Variants in MAGI1 observed in about 807,000 individuals in gnomAD.
MAGI1 encodes membrane associated guanylate kinase, WW and PDZ domain containing 1.
In MAGI1, 58 loss-of-function variants were observed where a neutral mutation model predicts 139.9. The ratio of observed to expected loss-of-function variants is 0.41; its 90% CI spans 0.34 to 0.52. MAGI1 has a LOEUF of 0.52. Ranked by LOEUF, MAGI1 falls within the 20% of genes least tolerant of loss-of-function variation. The pLI, the probability that MAGI1 is intolerant of heterozygous loss-of-function variation, is 0.12. For missense variants in MAGI1, 1,874 were observed against 1,901.6 expected, an observed-to-expected ratio of 0.99 and a Z score of 0.27; for synonymous variants, 812 against 737.9, an observed-to-expected ratio of 1.10 and a Z score of -1.63.
At chr3:65,939,022 C>T (rs1433093469) in intron 1 of MAGI1, among the ~76,000 whole-genome samples, 1 of 152,062 alleles carries the variant, frequency 6.6e-6, no homozygotes, top group Non-Finnish European at 1.5e-5. Flanking sequence ...AACACTAGCA[C>T]TAGTAATTCG....
rs1419762698 is a variant in MAGI1 at position 65,353,736 on chromosome 3, A to G, written c.*2642T>C. On this transcript the variant is annotated 3_prime_UTR_variant, in exon 23 of 23. Transcript: ENST00000402939. ...CTCATCCATTATCTCTCATCAAGAC[A>G]TTTACATTAAGTGGGGGAGGGGGGC... is the stretch of plus-strand genomic sequence containing the variant. 6.6e-6 allele frequency: 1 copy of G among 152,130 alleles called. No individual in the cohort carries two copies. The highest frequency in any genetic ancestry group is 2.4e-5 in the African/African-American group (1 of 41,426). 9.4% of individuals were successfully genotyped at this position (152,130 alleles called of 1,614,324 possible).
chr3:65,810,071 TG>T (rs2041127937), intron 1 of MAGI1, among the ~76,000 whole-genome samples: 1 of 152,202 alleles, frequency 6.6e-6, no homozygotes, highest in Non-Finnish European at 1.5e-5. Flanking sequence ...CAAAGTATCA[TG>T]GTTTCAAGTA....
At chr3:65,648,403 G>A (rs923142008) in intron 1 of MAGI1, among the ~76,000 whole-genome samples, 28 of 152,074 alleles carry the variant, frequency 1.8e-4, no homozygotes, top group African/African-American at 6.8e-4. Context: ...TCCTGCCTCA[G>A]CCTCCCAAAG....
chr3:65,429,229 C>G (rs974266931), intron 12 of MAGI1, among the ~76,000 whole-genome samples: 1 of 152,192 alleles, frequency 6.6e-6, no homozygotes, highest in African/African-American at 2.4e-5. Flanking sequence ...TCTCAAGCAG[C>G]CAGGACTACA....
intron 1 of MAGI1, among the ~76,000 whole-genome samples, chr3:65,791,897 T>A (rs1417546621): frequency 6.6e-6 from 1 of 152,188 alleles, no homozygotes; most frequent in Non-Finnish European, 1.5e-5. Flanking sequence ...TTCAGGTGCC[T>A]TTTCAAAACA....
At chr3:65,705,676 C>T (rs1329259581) in intron 1 of MAGI1, among the ~76,000 whole-genome samples, 1 of 152,142 alleles carries the variant, frequency 6.6e-6, no homozygotes, top group Non-Finnish European at 1.5e-5. Context: ...TCACATACCC[C>T]TAGATAATTA....
chr3:65,875,509 A>G (rs1035792375), intron 1 of MAGI1, among the ~76,000 whole-genome samples: 4 of 152,258 alleles, frequency 2.6e-5, no homozygotes, highest in Admixed American at 2.6e-4. Flanking sequence ...CTGAGGTTGC[A>G]TGAGGAAATG....
chr3:65,414,024 T>C (rs1028733300), intron 12 of MAGI1, among the ~76,000 whole-genome samples: 2 of 152,194 alleles, frequency 1.3e-5, no homozygotes, highest in Admixed American at 6.5e-5. Context: ...GGAAAATAAA[T>C]GCCAAGATCC....
chr3:65,864,065 G>A (rs2108454298), intron 1 of MAGI1, among the ~76,000 whole-genome samples: 1 of 151,760 alleles, frequency 6.6e-6, no homozygotes, highest in African/African-American at 2.4e-5. Context: ...GTGAGTGAAT[G>A]AATAAACATT....
intron 2 of MAGI1, among the ~76,000 whole-genome samples, chr3:65,575,721 A>C (rs1420094658): frequency 1.3e-5 from 2 of 152,212 alleles, no homozygotes; most frequent in African/African-American, 4.8e-5. Flanking sequence ...ATGCTACAAC[A>C]TGAATGGCTC....
chr3:65,664,968 C>T (rs2086420609), intron 1 of MAGI1, among the ~76,000 whole-genome samples: 1 of 152,108 alleles, frequency 6.6e-6, no homozygotes, highest in South Asian at 2.1e-4. Context: ...CAACAACTGC[C>T]CTAAACCATT....
At chr3:65,567,041 G>A (rs1360551888) in intron 2 of MAGI1, among the ~76,000 whole-genome samples, 1 of 142,686 alleles carries the variant, frequency 7.0e-6, no homozygotes, top group Non-Finnish European at 1.5e-5. Context: ...CTTGTAAAAA[G>A]TATGAAAAGG....
chr3:65,986,503 T>G (rs2065886127), intron 1 of MAGI1, among the ~76,000 whole-genome samples: 1 of 152,188 alleles, frequency 6.6e-6, no homozygotes, highest in South Asian at 2.1e-4. Context: ...AATTAGCTCT[T>G]GCCTTGATGT....
chr3:65,546,460 T>A (rs1296927364), intron 2 of MAGI1, among the ~76,000 whole-genome samples: 2 of 152,228 alleles, frequency 1.3e-5, no homozygotes, highest in Non-Finnish European at 2.9e-5. Context: ...TGCAGCACCC[T>A]CTTCTTTTAT....
At chr3:65,624,541 T>C (rs2083862477) in intron 1 of MAGI1, among the ~76,000 whole-genome samples, 1 of 152,230 alleles carries the variant, frequency 6.6e-6, no homozygotes. Flanking sequence ...TTGCATGATT[T>C]CATTCATATA....
chr3:65,593,566 T>C (rs1176314446), intron 2 of MAGI1, among the ~76,000 whole-genome samples: 1 of 152,164 alleles, frequency 6.6e-6, no homozygotes, highest in African/African-American at 2.4e-5. Flanking sequence ...CAAACAAACT[T>C]ATGTTTCATT....
chr3:65,978,015 T>C (rs1478035898), intron 1 of MAGI1, among the ~76,000 whole-genome samples: 2 of 152,146 alleles, frequency 1.3e-5, no homozygotes, highest in Non-Finnish European at 2.9e-5. Context: ...TTACCCATTA[T>C]CTCTCAAAAC....
intron 1 of MAGI1, among the ~76,000 whole-genome samples, chr3:65,880,763 C>T (rs2060293530): frequency 6.6e-6 from 1 of 152,082 alleles, no homozygotes; most frequent in Non-Finnish European, 1.5e-5. Flanking sequence ...TTCCACTGCA[C>T]TGAGAGTAAA....
chr3:65,494,721 T>A (rs1056477004), intron 2 of MAGI1, among the ~76,000 whole-genome samples: 1 of 152,234 alleles, frequency 6.6e-6, no homozygotes, highest in African/African-American at 2.4e-5. Context: ...CGACTATATG[T>A]GCCTAGTGGC....
Sources: gnomAD v4.1 joint callset for allele counts (sites outside exome capture counted in the v4.1 genomes callset) on GRCh38, gnomAD v4.1.1 for gene constraint, MANE v1.5 for transcripts, NCBI Gene and HGNC (gene_info 2026-07-23, HGNC 2026-07-21) for gene names.